The following NAT1 variants were observed in gnomAD, a reference collection of about 807,000 sequenced individuals.
NAT1 encodes the protein N-acetyltransferase 1.
For synonymous variants in NAT1, 144 were observed against 122.6 expected (o/e 1.17, Z -1.16); for missense variants, 400 against 339.2 (o/e 1.18, Z -1.41).
At chr8:18,175,543 G>T (rs547511432) in intron 2 of NAT1, among the ~76,000 whole-genome samples, 1 of 152,160 alleles carries the variant, frequency 6.6e-6, no homozygotes, top group African/African-American at 2.4e-5. Flanking sequence ...AATGACAAAA[G>T]TTCCTTCTTT....
At chr8:18,213,892 C>G (rs1482081468) in intron 1 of NAT1, among the ~76,000 whole-genome samples, 2 of 151,742 alleles carry the variant, frequency 1.3e-5, no homozygotes, top group Non-Finnish European at 2.9e-5. Context: ...CGGCTCACTG[C>G]AAGCTCCGCT....
intron 2 of NAT1, among the ~76,000 whole-genome samples, chr8:18,202,867 G>A (rs539244273): frequency 4.6e-5 from 7 of 152,074 alleles, no homozygotes; most frequent in South Asian, 4.1e-4. Context: ...TTGGGTGACC[G>A]GCTGTTATTC....
At chr8:18,204,011 T>G (rs373144748) in intron 2 of NAT1, among the ~76,000 whole-genome samples, 16 of 152,144 alleles carry the variant, frequency 1.1e-4, no homozygotes, top group African/African-American at 3.6e-4. Flanking sequence ...ATAAGAAAAT[T>G]AGGGTGGGGC....
intron 2 of NAT1, among the ~76,000 whole-genome samples, chr8:18,189,826 G>A (rs1802906443): frequency 6.6e-6 from 1 of 152,228 alleles, no homozygotes; most frequent in Admixed American, 6.5e-5. Context: ...GTCTCACTCT[G>A]TTACCCAGGC....
chr8:18,172,119 G>C (rs1322283190), intron 2 of NAT1, among the ~76,000 whole-genome samples: 1 of 152,150 alleles, frequency 6.6e-6, no homozygotes, highest in Non-Finnish European at 1.5e-5. Flanking sequence ...TGTGAGTGTA[G>C]CGTCACAAGT....
At chr8:18,215,595 G>T (rs1485500927) in intron 1 of NAT1, among the ~76,000 whole-genome samples, 1 of 151,660 alleles carries the variant, frequency 6.6e-6, no homozygotes, top group Non-Finnish European at 1.5e-5. Context: ...TATTTCACAT[G>T]GTCCATAGCC....
chr8:18,218,274 A>T (rs1804903822), intron 1 of NAT1, among the ~76,000 whole-genome samples: 1 of 152,138 alleles, frequency 6.6e-6, no homozygotes, highest in Non-Finnish European at 1.5e-5. Context: ...CCCCAATTCT[A>T]AAAAAAGTTC....
At position 18,222,374 on chromosome 8, in the gene NAT1, C is replaced by T; in HGVS notation, c.327C>T (p.Leu109=). The T allele has an allele frequency of 6.2e-7, 1 of 1,614,090 alleles. No homozygotes were observed. The highest frequency in any genetic ancestry group is 8.5e-7 in the Non-Finnish European group (1 of 1,179,986). The change falls in exon 3 of 3, where the codon CTC becomes CTT. Residue 109 remains leucine (L), a synonymous_variant. Transcript: ENST00000307719. ...KKYSTGMIHL[L]LQVTIDGRNY... Reference sequence around the variant, plus strand: ...ACAGCACTGGCATGATTCACCTTCTCCTGCAGGTGACCATTGATGGCAGGA... The same window carrying T: ...ACAGCACTGGCATGATTCACCTTCTTCTGCAGGTGACCATTGATGGCAGGA...
intron 1 of NAT1, among the ~76,000 whole-genome samples, chr8:18,210,520 C>T (rs145096098): frequency 4.5e-4 from 68 of 152,278 alleles, no homozygotes; most frequent in Non-Finnish European, 5.9e-4. Flanking sequence ...GGATTACATA[C>T]GTGTATTAAA....
chr8:18,195,128 A>T (rs554870963), intron 2 of NAT1, among the ~76,000 whole-genome samples: 1 of 152,308 alleles, frequency 6.6e-6, no homozygotes, highest in African/African-American at 2.4e-5. Context: ...GCCTCTGCAC[A>T]GGAGACACAA....
At chr8:18,197,288 AT>A (rs28383684) in intron 2 of NAT1, among the ~76,000 whole-genome samples, 1 of 152,046 alleles carries the variant, frequency 6.6e-6, no homozygotes, top group Non-Finnish European at 1.5e-5. Context: ...TGTGACACAG[AT>A]TTTTTTTATT....
chr8:18,205,157 C>A (rs1305540100), upstream of NAT1, among the ~76,000 whole-genome samples: 1 of 152,232 alleles, frequency 6.6e-6, no homozygotes, highest in African/African-American at 2.4e-5. Context: ...TTCTTGCTCA[C>A]ACGTGCCAGC....
intron 2 of NAT1, among the ~76,000 whole-genome samples, chr8:18,204,887 T>C (rs1041003697): frequency 2.0e-5 from 3 of 152,218 alleles, no homozygotes; most frequent in Admixed American, 1.3e-4. Flanking sequence ...CATGAAGTTT[T>C]GATTGCGGTG....
At position 18,222,853 on chromosome 8, in the gene NAT1, A is replaced by G. The variant is rs752224722; in HGVS notation, c.806A>G (p.Asn269Ser). The stretch of plus-strand genomic sequence containing the variant: ...GAAGAAATAGAAAAAGTGCTGAAAA[A>G]TATATTTAATATTTCCTTGCAGAGA... ...SEEEIEKVLK[N>S]IFNISLQRKL... Residue 269 changes from asparagine (N) to serine (S), a missense_variant, in exon 3 of 3, where the codon AAT (asparagine) becomes AGT (serine). By Grantham distance (46) the Asn-to-Ser change is conservative. Coordinates refer to ENST00000307719, the MANE Select transcript of NAT1 (RefSeq NM_000662.8). 6.2e-7 allele frequency: 1 copy of G among 1,600,152 alleles called. No individual in the cohort carries two copies.
intron 2 of NAT1, among the ~76,000 whole-genome samples, chr8:18,195,186 G>T (rs556992193): frequency 1.3e-5 from 2 of 152,170 alleles, no homozygotes; most frequent in East Asian, 3.9e-4. Context: ...ATCATGCTTC[G>T]CCATGTATGC....
chr8:18,193,147 C>T (rs1326779124), intron 2 of NAT1, among the ~76,000 whole-genome samples: 13 of 139,410 alleles, frequency 9.3e-5, no homozygotes, highest in South Asian at 9.3e-4. Flanking sequence ...GATGCAATCA[C>T]GGCTCACTGT....
chr8:18,187,476 T>A (rs1802787225), intron 2 of NAT1, among the ~76,000 whole-genome samples: 1 of 152,102 alleles, frequency 6.6e-6, no homozygotes, highest in Non-Finnish European at 1.5e-5. Context: ...GACTGGCTTT[T>A]AAAAATGTGT....
chr8:18,180,631 C>T (rs938524031), intron 2 of NAT1, among the ~76,000 whole-genome samples: 3 of 151,894 alleles, frequency 2.0e-5, no homozygotes, highest in African/African-American at 4.8e-5. Context: ...TGATATAGTA[C>T]AAAATATCTA....
intron 2 of NAT1, among the ~76,000 whole-genome samples, chr8:18,189,852 T>C (rs965556252): frequency 7.2e-5 from 11 of 152,146 alleles, no homozygotes; most frequent in African/African-American, 2.4e-4. Context: ...TGCAATGGCA[T>C]GATCTTGGAT....
Sources: gnomAD v4.1 joint callset for allele counts (sites outside exome capture counted in the v4.1 genomes callset) on GRCh38, gnomAD v4.1.1 for gene constraint, MANE v1.5 for transcripts, NCBI Gene and HGNC (gene_info 2026-07-23, HGNC 2026-07-21) for gene names.